ANKRD11: variants seen among roughly 807,000 people sequenced by gnomAD.
The protein encoded by ANKRD11 is ankyrin repeat domain 11.
A neutral mutation model predicts 195.7 loss-of-function variants in ANKRD11; 17 were observed. The ratio of observed to expected loss-of-function variants is 0.09; its 90% CI spans 0.06 to 0.13. The LOEUF (loss-of-function observed/expected upper bound fraction) is 0.13. Ranked by LOEUF, ANKRD11 falls within the 10% of genes least tolerant of loss-of-function variation. The pLI is 1.00. For missense variants in ANKRD11, 3,735 were observed against 3,566.1 expected (o/e 1.05, Z -1.21); for synonymous variants, 1,953 against 1,528.1 (o/e 1.28, Z -6.49).
At chr16:89,377,478 G>A (rs533312512) in intron 2 of ANKRD11, among the ~76,000 whole-genome samples, 2 of 152,078 alleles carry the variant, frequency 1.3e-5, no homozygotes, top group East Asian at 3.9e-4. Context: ...GTGGGCCGGG[G>A]CAGGAGGGCT....
rs369452562 is a variant in ANKRD11, at chr16:89,435,913, G to A, written c.-144-17545C>T. ...GCATTCAGTTCAATGTGCTGGTGCC[G>A]CCCATCACCTCTAAATCACCGCAAG... is the stretch of plus-strand genomic sequence containing the variant. On this transcript the variant is annotated intron_variant, in intron 1 of 12. Coordinates refer to ENST00000301030, the MANE Select transcript of ANKRD11 (RefSeq NM_013275.6). Among the ~76,000 whole-genome samples the A allele has an allele frequency of 7.1e-4, 108 of 151,984 alleles. 2 individuals carry two copies. In the South Asian group the frequency reaches 0.018, roughly 26 times the overall value.
chr16:89,318,091 C>A (rs2037072580), intron 2 of ANKRD11, among the ~76,000 whole-genome samples: 1 of 152,364 alleles, frequency 6.6e-6, no homozygotes, highest in Admixed American at 6.5e-5. Context: ...TTCCCCGAGC[C>A]CCTGCTTCCG....
intron 2 of ANKRD11, among the ~76,000 whole-genome samples, chr16:89,346,882 A>G (rs1378555471): frequency 6.6e-6 from 1 of 152,262 alleles, no homozygotes; most frequent in Non-Finnish European, 1.5e-5. Flanking sequence ...TGTAACAGAG[A>G]CTAAACAAAG....
In ANKRD11 at chr16:89,279,490, C is replaced by T. The variant is rs1567553515; in HGVS notation, c.7052G>A (p.Gly2351Asp). ...AQMLANQSKQ[G>D]PPPSEKECAP... ...GCACTCCTTCTCGGAGGGGGGCGGG[C>T]CCTGCTTGCTCTGGTTCGCGAGCAT... is the stretch of plus-strand genomic sequence containing the variant. The change falls in exon 9 of 13, where the codon GGC becomes GAC. Residue 2351 changes from glycine (G) to aspartate (D), a missense_variant. Physicochemically the swap from Gly to Asp is moderately conservative, Grantham distance 94. Transcript: ENST00000301030. The surrounding 1 kb of genome is among the most constrained non-coding windows in gnomAD (Gnocchi z 5.6). 6 of 1,364,388 alleles carry T rather than the reference C, an allele frequency of 4.4e-6. No individual in the cohort carries two copies. Among genetic ancestry groups the T allele is most frequent in the African/African-American group, 1.4e-5 (1 of 69,028 alleles). The allele number at this position is 1,364,388 out of a possible 1,614,324, so 84.5% of individuals were successfully genotyped here.
chr16:89,295,156 G>A (rs2035333380), intron 4 of ANKRD11, among the ~76,000 whole-genome samples: 3 of 152,208 alleles, frequency 2.0e-5, no homozygotes, highest in Admixed American at 2.0e-4. Flanking sequence ...GGGGGTGGGA[G>A]CCACTCCACA....
intron 1 of ANKRD11, among the ~76,000 whole-genome samples, chr16:89,431,530 C>T (rs2042978447): frequency 6.6e-6 from 1 of 152,176 alleles, no homozygotes; most frequent in Admixed American, 6.5e-5. Flanking sequence ...AGCATGGTCT[C>T]GCAGTAGCAC....
At chr16:89,308,449 A>AG (rs2036422645) in intron 3 of ANKRD11, among the ~76,000 whole-genome samples, 1 of 152,242 alleles carries the variant, frequency 6.6e-6, no homozygotes, top group South Asian at 2.1e-4. Context: ...GACTGCCTAC[A>AG]GGCACCACCC....
At chr16:89,305,122 G>A (rs2036103662) in intron 4 of ANKRD11, 84 bp downstream of exon 4, 2 of 1,561,162 alleles carry the variant, frequency 1.3e-6, no homozygotes, top group Admixed American at 1.8e-5. Flanking sequence ...CAAAGCCGGA[G>A]GTGCGGGGGC....
At chr16:89,374,069 CAG>C (rs1468404150) in intron 2 of ANKRD11, among the ~76,000 whole-genome samples, 2 of 152,228 alleles carry the variant, frequency 1.3e-5, no homozygotes, top group African/African-American at 4.8e-5. Flanking sequence ...GTGAGGCCCG[CAG>C]AGAGGGGTGT....
intron 1 of ANKRD11, among the ~76,000 whole-genome samples, chr16:89,443,869 G>A (rs775573553): frequency 3.3e-5 from 5 of 152,218 alleles, no homozygotes; most frequent in African/African-American, 1.2e-4. Context: ...GAGGGCAGGG[G>A]CTTGTCTTGG....
intron 1 of ANKRD11, among the ~76,000 whole-genome samples, chr16:89,439,471 A>C (rs1193941212): frequency 6.6e-6 from 1 of 152,206 alleles, no homozygotes; most frequent in Non-Finnish European, 1.5e-5. Flanking sequence ...TTTCAGTGCT[A>C]AAAACTACAC....
rs374297187 is a variant in ANKRD11, at chr16:89,344,778, G to A, written c.-59-27700C>T. The stretch of plus-strand genomic sequence containing the variant: ...ACGGGAGCACAGCGGAGGGCCAGAC[G>A]TGAGGCCAGAGGCGGCTGGAGCAGC... On this transcript the variant is annotated intron_variant, in intron 2 of 12. Coordinates refer to ENST00000301030, the MANE Select transcript of ANKRD11 (RefSeq NM_013275.6). Among the ~76,000 whole-genome samples the A allele has an allele frequency of 1.2e-4, 19 of 152,232 alleles. No individual in the cohort carries two copies. The East Asian group carries it at 2.7e-3, about 22-fold the overall frequency.
intron 1 of ANKRD11, among the ~76,000 whole-genome samples, chr16:89,478,993 G>A (rs1054401843): frequency 8.6e-5 from 13 of 151,914 alleles, no homozygotes; most frequent in Non-Finnish European, 1.3e-4. Flanking sequence ...CTCTGTCACC[G>A]GGGCTAGAGA....
rs1381339108 is a variant in ANKRD11 at position 89,399,774 on chromosome 16, T to G, written c.-60+18510A>C. Among the ~76,000 whole-genome samples the G allele has an allele frequency of 2.7e-5, 4 of 150,346 alleles. No homozygotes were observed. In the East Asian group the frequency reaches 7.8e-4, roughly 29 times the overall value. Reference sequence around the variant, plus strand: ...CTCTGTAATTTATGTTCTATTTTGCTGTGAACCTAAAGCTAATATAAAAAA... The same window carrying G: ...CTCTGTAATTTATGTTCTATTTTGCGGTGAACCTAAAGCTAATATAAAAAA... On this transcript the variant is annotated intron_variant, in intron 2 of 12. Transcript: ENST00000301030.
rs759118611 is a variant in ANKRD11 at position 89,281,358 on chromosome 16, G to C, written c.5184C>G (p.Ser1728Arg). The change falls in exon 9 of 13, where the codon AGC becomes AGG. Residue 1728 changes from serine to arginine, a missense_variant. Coordinates refer to ENST00000301030, the MANE Select transcript of ANKRD11 (RefSeq NM_013275.6). This position sits in a 1 kb window ranked among gnomAD's most constrained non-coding sequence, Gnocchi z 5.5. ...VMHTPRTPSCSADDYADLVFD... is the reference protein window; with the variant it reads ...VMHTPRTPSCRADDYADLVFD... ...ACACGAGGTCCGCGTAGTCATCGGC[G>C]CTGCAGGACGGGGTCCTGGGCGTGT... The C allele has an allele frequency of 1.9e-6, 3 of 1,610,604 alleles. No homozygotes were observed. The African/African-American group carries it at 4.0e-5, about 22-fold the overall frequency.
In ANKRD11 at chr16:89,398,448, C is replaced by A. The variant is rs113889382; in HGVS notation, c.-60+19836G>T. ...TGACAAGAGGGACACTGTGAAACAGCTGAAGATTACCTGTAACCTCAGCAC... is the reference window on the plus strand; with the variant it reads ...TGACAAGAGGGACACTGTGAAACAGATGAAGATTACCTGTAACCTCAGCAC... On this transcript the variant is annotated intron_variant, in intron 2 of 12. Transcript: ENST00000301030. 7.4e-4 allele frequency among the ~76,000 whole-genome samples: 97 copies of A among 131,132 alleles called. 7 individuals carry two copies. The highest frequency in any genetic ancestry group is 3.1e-3 in the African/African-American group (91 of 29,578). The allele number at this position is 131,132 out of a possible 152,430, so 86.0% of individuals were successfully genotyped here.
In ANKRD11 at chr16:89,274,820, C is replaced by T. The variant is rs2033501957; in HGVS notation, c.7707G>A (p.Glu2569=). The change falls in exon 11 of 13, where the codon GAG becomes GAA. Residue 2569 remains glutamate (E), a synonymous_variant. Coordinates refer to ENST00000301030, the MANE Select transcript of ANKRD11 (RefSeq NM_013275.6). The part of the protein sequence containing the change: ...LDSEVYNMPL[E]SQGDENKSVR... ...GCATGCAGACGGGCCCTACCTGGCT[C>T]TCCAGGGGCATGTTGTAGACCTCGG... 1 of 1,610,720 alleles carries T rather than the reference C, an allele frequency of 6.2e-7. No individual in the cohort carries two copies. Among genetic ancestry groups the T allele is most frequent in the African/African-American group, 1.3e-5 (1 of 74,892 alleles).
chr16:89,390,503 C>T (rs534027294), intron 2 of ANKRD11, among the ~76,000 whole-genome samples: 1 of 152,186 alleles, frequency 6.6e-6, no homozygotes, highest in African/African-American at 2.4e-5. Flanking sequence ...AAAGCCTGAA[C>T]ATTTCCACAT....
chr16:89,478,794 T>A (rs983514791), intron 1 of ANKRD11, among the ~76,000 whole-genome samples: 1 of 152,204 alleles, frequency 6.6e-6, no homozygotes, highest in Admixed American at 6.5e-5. Context: ...TTCCCATGAC[T>A]AACATCAAAG....
Sources: gnomAD v4.1 joint callset for allele counts (sites outside exome capture counted in the v4.1 genomes callset) on GRCh38, gnomAD v4.1.1 for gene constraint, Gnocchi (gnomAD v3.1) non-coding constraint, MANE v1.5 for transcripts, NCBI Gene and HGNC (gene_info 2026-07-23, HGNC 2026-07-21) for gene names.